The following COL16A1 variants were observed in gnomAD, a reference collection of about 807,000 sequenced individuals.
COL16A1 encodes the protein collagen type XVI alpha 1 chain.
A neutral mutation model predicts 266.3 loss-of-function variants in COL16A1; 189 were observed. The ratio of observed to expected loss-of-function variants is 0.71; its 90% CI spans 0.63 to 0.80. COL16A1 has a LOEUF of 0.80. Ranked by LOEUF, COL16A1 falls within the 30% of genes least tolerant of loss-of-function variation. The probability of loss-of-function intolerance (pLI) is 0.00; values close to 1 mark genes in which losing one functional copy is unlikely to be tolerated. For missense variants in COL16A1, 1,928 were observed against 2,122.4 expected, an observed-to-expected ratio of 0.91 and a Z score of 1.80; for synonymous variants, 740 against 782.3, an observed-to-expected ratio of 0.95 and a Z score of 0.90.
chr1:31,652,493 G>T lies in COL16A1; in HGVS notation c.*158C>A. 1.1e-6 allele frequency: 1 copy of T among 882,970 alleles called. No homozygotes were observed. The highest frequency in any genetic ancestry group is 3.2e-5 in the East Asian group (1 of 30,862). 54.7% of individuals were successfully genotyped at this position (882,970 alleles called of 1,614,324 possible). Reference sequence around the variant, plus strand: ...CCAGAGGAACCCACTGGAAGGGAAAGGGCAGATAGTTTTGTTTCTTTATTA... The same window carrying T: ...CCAGAGGAACCCACTGGAAGGGAAATGGCAGATAGTTTTGTTTCTTTATTA... On this transcript the variant is annotated 3_prime_UTR_variant, in exon 71 of 71. Coordinates refer to ENST00000373672, the MANE Select transcript of COL16A1 (RefSeq NM_001856.4). This position sits in a 1 kb window ranked among gnomAD's most constrained non-coding sequence, Gnocchi z 4.8.
chr1:31,703,142 T>G (rs1308925143), intron 1 of COL16A1, among the ~76,000 whole-genome samples: 1 of 152,274 alleles, frequency 6.6e-6, no homozygotes, highest in East Asian at 1.9e-4. Context: ...CGGAAACATA[T>G]GCTCGCTGAT....
At position 31,653,608 on chromosome 1, in the gene COL16A1, C is replaced by T; in HGVS notation, c.4603G>A (p.Gly1535Ser). 3.7e-6 allele frequency: 6 copies of T among 1,613,762 alleles called. No individual in the cohort carries two copies. Among genetic ancestry groups the T allele is most frequent in the Non-Finnish European group, 5.1e-6 (6 of 1,179,816 alleles). The change falls in exon 70 of 71, where the codon GGC becomes AGC. Residue 1535 changes from glycine to serine, a missense_variant. By Grantham distance (56) the Gly-to-Ser change is moderately conservative. Coordinates refer to ENST00000373672, the MANE Select transcript of COL16A1 (RefSeq NM_001856.4). ...TGGTGGTATTTCCTACCTGGGGGGC[C>T]GGGAAGACCATTTTCTCCTGCAATG... The part of the protein sequence containing the change: ...IGIAGENGLP[G>S]PPGPQGPPGY...
rs961590647 is a variant in COL16A1 at position 31,668,055 on chromosome 1, C to A, written c.3303+110G>T. The A allele has an allele frequency of 3.8e-5, 35 of 915,084 alleles. No homozygotes were observed. Among genetic ancestry groups the A allele is most frequent in the Non-Finnish European group, 5.2e-5 (31 of 591,088 alleles). 56.7% of individuals were successfully genotyped at this position (915,084 alleles called of 1,614,324 possible). A position where few individuals can be genotyped will look rare whatever the true frequency, so the allele number is the denominator to read the frequency against. The stretch of plus-strand genomic sequence containing the variant: ...TTAGGCAAAGGAGGAGGCTGAAATG[C>A]CCGGTAATGGGGAGCCCGCCGAGGG... On this transcript the variant is annotated intron_variant, in intron 51 of 70. Coordinates refer to ENST00000373672, the MANE Select transcript of COL16A1 (RefSeq NM_001856.4). This position sits in a 1 kb window ranked among gnomAD's most constrained non-coding sequence, Gnocchi z 5.8.
Position 31,698,366 on chromosome 1 carries a change from A to C in COL16A1, c.390+117T>G. The C allele has an allele frequency of 6.5e-7, 1 of 1,547,118 alleles. No individual in the cohort carries two copies. Among genetic ancestry groups the C allele is most frequent in the Non-Finnish European group, 8.8e-7 (1 of 1,141,936 alleles). ...TACTGGTGGGCTGGGGACAGGCTTGAGGGTAGGCACAGGATGGAGCAGGGA... is the reference window on the plus strand; with the variant it reads ...TACTGGTGGGCTGGGGACAGGCTTGCGGGTAGGCACAGGATGGAGCAGGGA... On this transcript the variant is annotated intron_variant, in intron 5 of 70. Transcript: ENST00000373672. The surrounding 1 kb of genome is among the most constrained non-coding windows in gnomAD (Gnocchi z 4.1).
Position 31,692,606 on chromosome 1 carries a change from C to T in COL16A1, c.1150G>A (p.Gly384Arg). 1 of 1,614,174 alleles carries T rather than the reference C, an allele frequency of 6.2e-7. No individual in the cohort carries two copies. The highest frequency in any genetic ancestry group is 8.5e-7 in the Non-Finnish European group (1 of 1,180,010). The change falls in exon 15 of 71, where the codon GGA becomes AGA. Residue 384 changes from glycine (G) to arginine (R), a missense_variant. By Grantham distance (125) the Gly-to-Arg change is moderately radical (BLOSUM62 -2). Coordinates refer to ENST00000373672, the MANE Select transcript of COL16A1 (RefSeq NM_001856.4). ...CCTGGTCCCACACTCACCAGAGCTC[C>T]TGACTCCCCCTTCTCTCCCTTCGGG... is the stretch of plus-strand genomic sequence containing the variant. ...EGPKGEKGES[G>R]ALGPSGLPGS...
chr1:31,684,067 G>A (rs1472683005), intron 32 of COL16A1, 42 bp downstream of exon 32: 28 of 1,612,426 alleles, frequency 1.7e-5, no homozygotes, highest in Non-Finnish European at 2.3e-5. Flanking sequence ...GGGAGAGGAG[G>A]CAAAGCCCAG....
At chr1:31,694,772 G>A (rs542363682) in intron 11 of COL16A1, among the ~76,000 whole-genome samples, 1 of 152,210 alleles carries the variant, frequency 6.6e-6, no homozygotes, top group East Asian at 1.9e-4. Flanking sequence ...GAGACAGCAG[G>A]CCCTGAACCA....
At chr1:31,687,863 G>T (rs1644068976) in intron 26 of COL16A1, among the ~76,000 whole-genome samples, 1 of 152,182 alleles carries the variant, frequency 6.6e-6, no homozygotes, top group Non-Finnish European at 1.5e-5. Context: ...CAGAATTTGG[G>T]TAACATTTGG....
At chr1:31,674,961 G>A (rs927541486) in intron 44 of COL16A1, 46 bp downstream of exon 44, 1 of 1,603,706 alleles carries the variant, frequency 6.2e-7, no homozygotes, top group African/African-American at 1.3e-5. Context: ...ATCCCCTTAG[G>A]AGACACCCCC....
Position 31,670,741 on chromosome 1 carries a change from G to A in COL16A1, c.3151-95C>T, listed in dbSNP as rs751557304. The A allele has an allele frequency of 2.7e-5, 27 of 997,478 alleles. No individual in the cohort carries two copies. Among genetic ancestry groups the A allele is most frequent in the Non-Finnish European group, 3.7e-5 (27 of 734,504 alleles). 61.8% of individuals were successfully genotyped at this position (997,478 alleles called of 1,614,324 possible). On this transcript the variant is annotated intron_variant, in intron 48 of 70. Transcript: ENST00000373672. This position sits in a 1 kb window ranked among gnomAD's most constrained non-coding sequence, Gnocchi z 4.5. Reference sequence around the variant, plus strand: ...CTGGGGCTTGGGGGTCATGGGGAGAGGAGGTCATGGGAGTATTTTCAAGGC... The same window carrying A: ...CTGGGGCTTGGGGGTCATGGGGAGAAGAGGTCATGGGAGTATTTTCAAGGC...
At chr1:31,667,888 C>A (rs1429843096) in intron 51 of COL16A1, among the ~76,000 whole-genome samples, 1 of 152,152 alleles carries the variant, frequency 6.6e-6, no homozygotes, top group African/African-American at 2.4e-5. Flanking sequence ...TCTCCCAAAC[C>A]CCTCACCCCC....
Position 31,685,698 on chromosome 1 carries a change from C to G in COL16A1, c.1957G>C (p.Gly653Arg). 1 of 1,614,030 alleles carries G rather than the reference C, an allele frequency of 6.2e-7. No homozygotes were observed. Among genetic ancestry groups the G allele is most frequent in the Non-Finnish European group, 8.5e-7 (1 of 1,180,012 alleles). ...GGTTCCCCCTTCTCTCCGGATGGGC[C>G]AGGCAAGGCCACCACACGGACATCC... ...DGDVRVVALPGPSGEKGEPGP... is the reference protein window; with the variant it reads ...DGDVRVVALPRPSGEKGEPGP... The change falls in exon 29 of 71, where the codon GGC becomes CGC. Residue 653 changes from glycine to arginine, a missense_variant. Coordinates refer to ENST00000373672, the MANE Select transcript of COL16A1 (RefSeq NM_001856.4). The surrounding 1 kb of genome is among the most constrained non-coding windows in gnomAD (Gnocchi z 4.0).
intron 52 of COL16A1, among the ~76,000 whole-genome samples, chr1:31,667,051 G>T (rs1642203234): frequency 6.6e-6 from 1 of 152,210 alleles, no homozygotes; most frequent in Admixed American, 6.5e-5. Flanking sequence ...ACTGAAACTG[G>T]TGAATCTGTA....
chr1:31,655,597 C>T (rs988434257), intron 66 of COL16A1, 95 bp from the exon 67 acceptor site: 2 of 1,566,700 alleles, frequency 1.3e-6, no homozygotes, highest in Admixed American at 3.5e-5. Context: ...CCCCCAGCGT[C>T]TCCCTCTAGA....
rs761483654 is a variant in COL16A1, at chr1:31,688,851, C to T, written c.1767+10G>A. On this transcript the variant is annotated intron_variant, in intron 25 of 70. Transcript: ENST00000373672. This position sits in a 1 kb window ranked among gnomAD's most constrained non-coding sequence, Gnocchi z 4.9. ...GAACTGGGCTGGGCTGGGAGAAAGT[C>T]GTCACTCACCGGAAGGCCAGGCAGA... 6.2e-6 allele frequency: 10 copies of T among 1,609,868 alleles called. No individual in the cohort carries two copies. The African/African-American group carries it at 9.4e-5, about 15-fold the overall frequency.
intron 20 of COL16A1, among the ~76,000 whole-genome samples, chr1:31,690,979 G>A (rs1644235407): frequency 6.6e-6 from 1 of 152,024 alleles, no homozygotes; most frequent in Non-Finnish European, 1.5e-5. Flanking sequence ...CACAGGCGGA[G>A]GTTGCAGTGA....
Position 31,653,631 on chromosome 1 carries a change from A to G in COL16A1, c.4580T>C (p.Ile1527Thr), listed in dbSNP as rs780540188. The G allele has an allele frequency of 9.9e-6, 16 of 1,613,980 alleles. No individual in the cohort carries two copies. The East Asian group carries it at 3.1e-4, about 31-fold the overall frequency. Residue 1527 changes from isoleucine to threonine, a missense_variant, in exon 70 of 71, where the codon ATT (isoleucine) becomes ACT (threonine). Transcript: ENST00000373672. ...KGEKGDIGIGIAGENGLPGPP... is the reference protein window; with the variant it reads ...KGEKGDIGIGTAGENGLPGPP... ...GCCGGGAAGACCATTTTCTCCTGCA[A>G]TGCCAATACCAATGTCCCCTTTTTC...
At position 31,671,626 on chromosome 1, in the gene COL16A1, G is replaced by A. The variant is rs368800339; in HGVS notation, c.3139C>T (p.Pro1047Ser). ...CCACTGATACTTACGATAGGGCCTG[G>A]AGGACCCGGGGAGCCCCTCATGCCA... The part of the protein sequence containing the change: ...PPGMRGSPGP[P>S]GPIGPPGFPG... The change falls in exon 48 of 71, where the codon CCA (proline) becomes TCA (serine). Residue 1047 changes from proline (P) to serine (S), a missense_variant. By Grantham distance (74) the Pro-to-Ser change is moderately conservative. Coordinates refer to ENST00000373672, the MANE Select transcript of COL16A1 (RefSeq NM_001856.4). 7.4e-6 allele frequency: 12 copies of A among 1,613,966 alleles called. No individual in the cohort carries two copies. In the African/African-American group the frequency reaches 1.2e-4, roughly 16 times the overall value.
chr1:31,697,413 C>A lies in COL16A1; in HGVS notation c.658-113G>T. 1 of 1,079,296 alleles carries A rather than the reference C, an allele frequency of 9.3e-7. No individual in the cohort carries two copies. 66.9% of individuals were successfully genotyped at this position (1,079,296 alleles called of 1,614,324 possible). On this transcript the variant is annotated intron_variant, in intron 6 of 70. Transcript: ENST00000373672. This position sits in a 1 kb window ranked among gnomAD's most constrained non-coding sequence, Gnocchi z 4.2. ...CCCAGGATGTGACCTCAGGGTGTTTCCAGTCTGGCCTGGGAGACATCAAAA... is the reference window on the plus strand; with the variant it reads ...CCCAGGATGTGACCTCAGGGTGTTTACAGTCTGGCCTGGGAGACATCAAAA...
Sources: gnomAD v4.1 joint callset for allele counts (sites outside exome capture counted in the v4.1 genomes callset) on GRCh38, gnomAD v4.1.1 for gene constraint, Gnocchi (gnomAD v3.1) non-coding constraint, MANE v1.5 for transcripts, NCBI Gene and HGNC (gene_info 2026-07-23, HGNC 2026-07-21) for gene names.